The following TENM3 variants were observed in gnomAD, a reference collection of about 807,000 sequenced individuals.
The protein encoded by TENM3 is teneurin-3.
Under a neutral mutation model 255.1 loss-of-function variants are expected in TENM3, and 63 were observed. The ratio of observed to expected loss-of-function variants is 0.25; its 90% CI spans 0.20 to 0.30. TENM3 has a LOEUF of 0.30. Ranked by LOEUF, TENM3 falls within the 10% of genes least tolerant of loss-of-function variation. TENM3 has a pLI of 1.00. For synonymous variants in TENM3, 1,306 were observed against 1,322.3 expected (o/e 0.99, Z 0.27); for missense variants, 2,929 against 3,461.1 (o/e 0.85, Z 3.86).
At chr4:182,244,708 C>T (rs1039459888) in intron 1 of TENM3, among the ~76,000 whole-genome samples, 6 of 152,172 alleles carry the variant, frequency 3.9e-5, no homozygotes, top group Admixed American at 3.3e-4. Flanking sequence ...GTGTAATTCT[C>T]ATGATGTGTA....
At chr4:181,514,976 G>A in the TENM3 span, among the ~76,000 whole-genome samples, 1 of 152,170 alleles carries the variant, frequency 6.6e-6, no homozygotes, top group Non-Finnish European at 1.5e-5. Flanking sequence ...ACGATGTTAG[G>A]TGAATTCTCT....
the TENM3 span, among the ~76,000 whole-genome samples, chr4:181,782,376 C>T: frequency 6.6e-6 from 1 of 152,124 alleles, no homozygotes; most frequent in African/African-American, 2.4e-5. Flanking sequence ...GGAATTTATC[C>T]ATTTCTTCTA....
the TENM3 span, among the ~76,000 whole-genome samples, chr4:181,815,759 A>G: frequency 6.6e-6 from 1 of 152,148 alleles, no homozygotes; most frequent in East Asian, 1.9e-4. Flanking sequence ...GATTTAGAAA[A>G]TCTAAATTAA....
the TENM3 span, among the ~76,000 whole-genome samples, chr4:181,637,344 TCCCC>T: frequency 2.6e-5 from 4 of 152,156 alleles, no homozygotes; most frequent in South Asian, 8.3e-4. Context: ...GTCTTTTGGC[TCCCC>T]CAGCAACTCC....
chr4:181,595,740 C>CA, the TENM3 span, among the ~76,000 whole-genome samples: 6 of 152,108 alleles, frequency 3.9e-5, no homozygotes, highest in African/African-American at 1.4e-4. Context: ...CAAAATCAGC[C>CA]ACAATGACCT....
chr4:182,616,715 G>C (rs2152442571), intron 4 of TENM3, among the ~76,000 whole-genome samples: 1 of 152,192 alleles, frequency 6.6e-6, no homozygotes, highest in African/African-American at 2.4e-5. Flanking sequence ...GAGCTTCTGA[G>C]GGCCAGCATC....
rs916024317 is a variant in TENM3 at position 182,800,979 on chromosome 4, C to T, written c.*628C>T. 6.6e-6 allele frequency: 1 copy of T among 152,572 alleles called. No homozygotes were observed. Among genetic ancestry groups the T allele is most frequent in the African/African-American group, 2.4e-5 (1 of 41,436 alleles). 9.5% of individuals were successfully genotyped at this position (152,572 alleles called of 1,614,324 possible). ...CTTGTCACTGATAAGCAAAGGAAAT[C>T]CTGATTTTTTTGTAAATTATGTGAG... On this transcript the variant is annotated 3_prime_UTR_variant, in exon 28 of 28. Transcript: ENST00000511685.
the TENM3 span, among the ~76,000 whole-genome samples, chr4:181,767,251 CAA>C: frequency 3.4e-4 from 26 of 75,718 alleles, no homozygotes; most frequent in East Asian, 1.3e-3. Context: ...GACTCCGTCT[CAA>C]AAAAAAAAAA....
At chr4:181,872,999 T>C in the TENM3 span, among the ~76,000 whole-genome samples, 17 of 152,310 alleles carry the variant, frequency 1.1e-4, no homozygotes, top group African/African-American at 4.1e-4. Flanking sequence ...TTGATTTTTA[T>C]GTGATCTTTT....
chr4:182,451,866 G>A (rs983233752), intron 3 of TENM3, among the ~76,000 whole-genome samples: 1 of 152,034 alleles, frequency 6.6e-6, no homozygotes, highest in Non-Finnish European at 1.5e-5. Flanking sequence ...TATTTCGTTT[G>A]GTAGGCTTTA....
intron 24 of TENM3, among the ~76,000 whole-genome samples, chr4:182,784,948 A>G (rs1452246571): frequency 6.6e-6 from 1 of 152,052 alleles, no homozygotes; most frequent in African/African-American, 2.4e-5. Flanking sequence ...ACCTGCGCCC[A>G]CTGTCTGGCA....
the TENM3 span, among the ~76,000 whole-genome samples, chr4:182,079,169 G>T: frequency 6.6e-6 from 1 of 152,184 alleles, no homozygotes; most frequent in African/African-American, 2.4e-5. Context: ...TTTCATGGTG[G>T]AGGGTAGCTT....
At chr4:182,241,518 C>CTTTCTTTTTTTTT (rs1201901411), upstream of TENM3, among the ~76,000 whole-genome samples, 1 of 114,280 alleles carries the variant, frequency 8.8e-6, no homozygotes, top group African/African-American at 3.8e-5. Flanking sequence ...TTTTTTCTTT[C>CTTTCTTTTTTTTT]TTTTTTTTTT....
At chr4:182,069,060 G>C in the TENM3 span, among the ~76,000 whole-genome samples, 2,204 of 152,212 alleles carry the variant, frequency 0.014, 45 homozygotes, top group African/African-American at 0.05. Context: ...ATCTCAGCTT[G>C]TGATTCAGTG....
At chr4:182,601,775 A>G (rs980403853) in intron 4 of TENM3, among the ~76,000 whole-genome samples, 7 of 152,328 alleles carry the variant, frequency 4.6e-5, no homozygotes, top group Non-Finnish European at 1.0e-4. Flanking sequence ...CCTACAATGA[A>G]CTGAAATCTC....
chr4:182,105,980 C>G, the TENM3 span, among the ~76,000 whole-genome samples: 1 of 152,230 alleles, frequency 6.6e-6, no homozygotes, highest in African/African-American at 2.4e-5. Flanking sequence ...TACATTTATA[C>G]GAAACAAACC....
chr4:182,776,891 A>C (rs1764727755), intron 24 of TENM3, among the ~76,000 whole-genome samples: 1 of 152,190 alleles, frequency 6.6e-6, no homozygotes, highest in South Asian at 2.1e-4. Context: ...ATCCCACTGA[A>C]AGGAGATTTC....
intron 1 of TENM3, among the ~76,000 whole-genome samples, chr4:182,315,225 G>T (rs1487230829): frequency 1.3e-5 from 2 of 152,108 alleles, no homozygotes; most frequent in Non-Finnish European, 2.9e-5. Context: ...ATTTTCAAGT[G>T]CTGTTTATTC....
At chr4:181,634,444 G>A in the TENM3 span, among the ~76,000 whole-genome samples, 51 of 149,664 alleles carry the variant, frequency 3.4e-4, 1 homozygote, top group South Asian at 2.3e-3. Flanking sequence ...TATCATCAAG[G>A]GGAAAGGTGT....
Sources: allele counts gnomAD v4.1 joint callset (sites outside exome capture counted in the v4.1 genomes callset), GRCh38; gene constraint gnomAD v4.1.1; transcripts MANE v1.5; gene names NCBI Gene and HGNC (gene_info 2026-07-23, HGNC 2026-07-21).